AK8: variants seen among roughly 807,000 people sequenced by gnomAD.
AK8 encodes the protein adenylate kinase 8.
A neutral mutation model predicts 54.6 loss-of-function variants in AK8; 44 were observed. The observed-to-expected ratio is 0.81, with a 90% CI of 0.63 to 1.04. The LOEUF (loss-of-function observed/expected upper bound fraction) is 1.04. Among genes scored for constraint, AK8 ranks in the 50% least tolerant of loss-of-function variants. The pLI is 0.00. For missense variants in AK8, 555 were observed against 613.6 expected, an observed-to-expected ratio of 0.90 and a Z score of 1.01; for synonymous variants, 239 against 245.6, an observed-to-expected ratio of 0.97 and a Z score of 0.25.
intron 11 of AK8, among the ~76,000 whole-genome samples, chr9:132,738,369 G>A (rs1452823384): frequency 6.6e-6 from 1 of 151,896 alleles, no homozygotes; most frequent in African/African-American, 2.4e-5. Context: ...TCTTAACATG[G>A]GCAGTTTTCA....
intron 2 of AK8, among the ~76,000 whole-genome samples, chr9:132,870,888 G>A (rs915184482): frequency 4.8e-5 from 7 of 144,444 alleles, no homozygotes; most frequent in South Asian, 2.2e-4. Context: ...CAAGCCTCCC[G>A]CACTCTTCTA....
At chr9:132,869,385 G>C (rs572781193) in intron 2 of AK8, among the ~76,000 whole-genome samples, 18 of 152,302 alleles carry the variant, frequency 1.2e-4, no homozygotes, top group Admixed American at 8.5e-4. Flanking sequence ...TGTGGGCATG[G>C]TGCCGCCATC....
intron 11 of AK8, among the ~76,000 whole-genome samples, chr9:132,771,735 G>C (rs1318135783): frequency 6.6e-6 from 1 of 152,184 alleles, no homozygotes; most frequent in African/African-American, 2.4e-5. Flanking sequence ...AAGCAGCGTC[G>C]TGTGGTGTGA....
At chr9:132,842,760 T>C (rs992401426) in intron 5 of AK8, among the ~76,000 whole-genome samples, 10 of 152,232 alleles carry the variant, frequency 6.6e-5, no homozygotes, top group African/African-American at 2.4e-4. Context: ...ATCTGGAGGC[T>C]TGACTGAGGG....
intron 5 of AK8, among the ~76,000 whole-genome samples, chr9:132,835,026 C>A (rs1030623338): frequency 1.3e-5 from 2 of 152,118 alleles, no homozygotes; most frequent in Non-Finnish European, 2.9e-5. Context: ...CATGCCACTA[C>A]GCCCAGCTAA....
At chr9:132,797,632 C>G (rs1309514209) in intron 10 of AK8, among the ~76,000 whole-genome samples, 3 of 152,204 alleles carry the variant, frequency 2.0e-5, no homozygotes, top group African/African-American at 7.2e-5. Flanking sequence ...GTTCATTATA[C>G]TAGCGATGGC....
intron 10 of AK8, among the ~76,000 whole-genome samples, chr9:132,801,768 G>A (rs1160384336): frequency 1.3e-5 from 2 of 152,218 alleles, no homozygotes; most frequent in Admixed American, 6.5e-5. Flanking sequence ...GCATGTCTTT[G>A]TTCTAATACA....
intron 11 of AK8, among the ~76,000 whole-genome samples, chr9:132,773,996 G>T (rs1034392184): frequency 5.9e-5 from 9 of 152,164 alleles, no homozygotes; most frequent in Non-Finnish European, 1.3e-4. Context: ...GTGGTAGATA[G>T]GAAAGAGAGG....
chr9:132,736,906 T>G (rs1837147660), intron 11 of AK8, among the ~76,000 whole-genome samples: 1 of 151,990 alleles, frequency 6.6e-6, no homozygotes, highest in African/African-American at 2.4e-5. Context: ...TGACTCCACT[T>G]TTTGAGGTCC....
At chr9:132,833,397 T>C (rs554264055) in intron 5 of AK8, among the ~76,000 whole-genome samples, 1 of 152,294 alleles carries the variant, frequency 6.6e-6, no homozygotes, top group East Asian at 1.9e-4. Context: ...AACAAGCCTG[T>C]GTTGCGAGGT....
intron 11 of AK8, among the ~76,000 whole-genome samples, chr9:132,772,529 T>C (rs1244355579): frequency 1.3e-5 from 2 of 152,206 alleles, no homozygotes; most frequent in African/African-American, 4.8e-5. Flanking sequence ...CCAAACCTGC[T>C]GGCACCTTGA....
intron 5 of AK8, among the ~76,000 whole-genome samples, chr9:132,831,253 A>C (rs1047286788): frequency 1.3e-5 from 2 of 152,196 alleles, no homozygotes; most frequent in East Asian, 3.8e-4. Context: ...CAAGTTCCCA[A>C]ATAGAAATTC....
intron 11 of AK8, among the ~76,000 whole-genome samples, chr9:132,744,074 C>A (rs1289916495): frequency 6.6e-6 from 1 of 152,284 alleles, no homozygotes; most frequent in African/African-American, 2.4e-5. Context: ...CCCACTCTCC[C>A]GGTGTGCTAG....
At position 132,823,470 on chromosome 9, in the gene AK8, G is replaced by A. The variant is rs996953465; in HGVS notation, c.758-134C>T. 10 of 1,281,474 alleles carry A rather than the reference G, an allele frequency of 7.8e-6. No homozygotes were observed. In the African/African-American group the frequency reaches 1.5e-4, roughly 19 times the overall value. The allele number at this position is 1,281,474 out of a possible 1,614,324, so 79.4% of individuals were successfully genotyped here. On this transcript the variant is annotated intron_variant, in intron 8 of 12. Transcript: ENST00000298545. The stretch of plus-strand genomic sequence containing the variant: ...TCACAGCACCATGGAAGCCCTCTGT[G>A]CATCTGGCGAAGAGGCAGGGAAAAG...
At chr9:132,784,190 G>A (rs1839592987) in intron 11 of AK8, among the ~76,000 whole-genome samples, 1 of 152,178 alleles carries the variant, frequency 6.6e-6, no homozygotes, top group Non-Finnish European at 1.5e-5. Context: ...CAGAGGCAGA[G>A]AGACAGAGAG....
chr9:132,762,396 T>C (rs1473879576), intron 11 of AK8, among the ~76,000 whole-genome samples: 1 of 152,206 alleles, frequency 6.6e-6, no homozygotes, highest in African/African-American at 2.4e-5. Flanking sequence ...GAATACCATT[T>C]ATGTTCCTTC....
At chr9:132,727,826 T>C (rs755312060) in intron 11 of AK8, among the ~76,000 whole-genome samples, 2 of 152,140 alleles carry the variant, frequency 1.3e-5, no homozygotes, top group Non-Finnish European at 2.9e-5. Flanking sequence ...ACCATCCCTG[T>C]AGACCGAGCT....
chr9:132,747,985 G>A (rs1837734620), intron 11 of AK8, among the ~76,000 whole-genome samples: 1 of 151,318 alleles, frequency 6.6e-6, no homozygotes, highest in Non-Finnish European at 1.5e-5. Context: ...TGTAGTCTCA[G>A]CTACTTGGGA....
chr9:132,732,503 C>G (rs1160362290), intron 11 of AK8, among the ~76,000 whole-genome samples: 1 of 152,164 alleles, frequency 6.6e-6, no homozygotes, highest in African/African-American at 2.4e-5. Context: ...TGAGTGCTGG[C>G]TCCTCCAGGC....
Sources: allele counts gnomAD v4.1 joint callset (sites outside exome capture counted in the v4.1 genomes callset), GRCh38; gene constraint gnomAD v4.1.1; transcripts MANE v1.5; gene names NCBI Gene and HGNC (gene_info 2026-07-23, HGNC 2026-07-21).